INSRR: variants seen among roughly 807,000 people sequenced by gnomAD.
INSRR encodes insulin receptor related receptor.
In INSRR, 114 loss-of-function variants were observed where a neutral mutation model predicts 130.0. That is an observed-to-expected ratio of 0.88 (90% CI 0.75 to 1.02). The LOEUF is 1.02. INSRR is among the 50% of genes least tolerant of loss of function. The pLI is 0.00. For missense variants in INSRR, 1,657 were observed against 1,735.2 expected (o/e 0.95, Z 0.80); for synonymous variants, 674 against 705.2 (o/e 0.96, Z 0.70).
rs1655363579 is a variant in INSRR, at chr1:156,855,176, T to TTATCTATCTATATATC, written c.86-874_86-873insGATATATAGATAGATA. Among the ~76,000 whole-genome samples the TTATCTATCTATATATC allele has an allele frequency of 2.1e-5, 3 of 143,462 alleles. No individual in the cohort carries two copies. The South Asian group carries it at 7.1e-4, about 34-fold the overall frequency. The allele number at this position is 143,462 out of a possible 152,430, so 94.1% of individuals were successfully genotyped here. ...TGAGGCCTTCTCTGACCATCCAATT[T>TTATCTATCTATATATC]TATCTATCTATCTATCTATCTATCT... On this transcript the variant is annotated intron_variant, in intron 1 of 21. Transcript: ENST00000368195.
Position 156,845,315 on chromosome 1 carries a change from A to C in INSRR, c.2217-19T>G, listed in dbSNP as rs572969335. On this transcript the variant is annotated intron_variant, in intron 11 of 21. Transcript: ENST00000368195. ...TGAGTCCCTGGGGAGAGCGAGTCAG[A>C]GCCAAGGCCCAGCCCCCAAAGCCAC... The C allele has an allele frequency of 4.6e-5, 74 of 1,611,328 alleles. No individual in the cohort carries two copies. The highest frequency in any genetic ancestry group is 6.6e-5 in the South Asian group (6 of 90,924).
At chr1:156,847,083 A>G (rs999595607) in intron 7 of INSRR, among the ~76,000 whole-genome samples, 2 of 152,250 alleles carry the variant, frequency 1.3e-5, no homozygotes, top group African/African-American at 2.4e-5. Flanking sequence ...TCCTAGAAAC[A>G]GCAAGCAATA....
Position 156,841,137 on chromosome 1 carries a change from C to T in INSRR, c.3663-33G>A, listed in dbSNP as rs376379799. 48 of 1,490,672 alleles carry T rather than the reference C, an allele frequency of 3.2e-5. No individual in the cohort carries two copies. The African/African-American group carries it at 4.0e-4, about 13-fold the overall frequency. 92.3% of individuals were successfully genotyped at this position (1,490,672 alleles called of 1,614,324 possible). On this transcript the variant is annotated intron_variant, in intron 21 of 21. Transcript: ENST00000368195. Reference sequence around the variant, plus strand: ...GTGTGGGGAGCAGGGTCAGAGGCATCCGGGAGCCCCTGCCACGCTCTCAGC... The same window carrying T: ...GTGTGGGGAGCAGGGTCAGAGGCATTCGGGAGCCCCTGCCACGCTCTCAGC...
chr1:156,845,905 C>A, intron 9 of INSRR, 47 bp downstream of exon 9: 1 of 1,600,098 alleles, frequency 6.2e-7, no homozygotes, highest in East Asian at 2.3e-5. Context: ...CTCCATCTCC[C>A]CTTCCCCACC....
At chr1:156,857,687 G>A (rs1309427986) in intron 1 of INSRR, among the ~76,000 whole-genome samples, 1 of 152,186 alleles carries the variant, frequency 6.6e-6, no homozygotes, top group Non-Finnish European at 1.5e-5. Flanking sequence ...TCCATGGGAA[G>A]AGGAGACTCC....
rs1262273137 is a variant in INSRR at position 156,841,718 on chromosome 1, C to T, written c.3474G>A (p.Trp1158Ter). 3 of 1,614,146 alleles carry T rather than the reference C, an allele frequency of 1.9e-6. No homozygotes were observed. The highest frequency in any genetic ancestry group is 4.5e-5 in the East Asian group (2 of 44,872). Residue 1158 changes from tryptophan (W) to a stop codon, truncating the protein, a stop_gained, in exon 20 of 22, where the codon TGG becomes TGA. Coordinates refer to ENST00000368195, the MANE Select transcript of INSRR (RefSeq NM_014215.3). LOFTEE classifies it high-confidence loss of function. ...KGGKGLLPVRWMAPESLKDGI... is the reference protein window; with the variant it reads ...KGGKGLLPVR ...CATCTTTGAGGGACTCGGGGGCCATCCAGCGCACGGGCAGCAGCCCCTTCC... is the reference window on the plus strand; with the variant it reads ...CATCTTTGAGGGACTCGGGGGCCATTCAGCGCACGGGCAGCAGCCCCTTCC...
rs1180252546 is a variant in INSRR at position 156,854,260 on chromosome 1, A to T, written c.129T>A (p.Arg43=). 1 of 1,613,610 alleles carries T rather than the reference A, an allele frequency of 6.2e-7. No homozygotes were observed. Among genetic ancestry groups the T allele is most frequent in the South Asian group, 1.1e-5 (1 of 91,074 alleles). ...LDIRSEVAEL[R]QLENCSVVEG... ...CCACCACGCTGCAGTTCTCCAGCTG[A>T]CGAAGCTCTGCCACCTCTGAGCGAA... Residue 43 remains arginine, a synonymous_variant, in exon 2 of 22, where the codon CGT becomes CGA. Transcript: ENST00000368195. This position sits in a 1 kb window ranked among gnomAD's most constrained non-coding sequence, Gnocchi z 4.2.
Position 156,845,238 on chromosome 1 carries a change from C to T in INSRR, c.2275G>A (p.Asp759Asn). The T allele has an allele frequency of 6.2e-7, 1 of 1,610,646 alleles. No individual in the cohort carries two copies. Among genetic ancestry groups the T allele is most frequent in the Non-Finnish European group, 8.5e-7 (1 of 1,178,610 alleles). ...GPLRLGGNSS[D>N]FEIQEDKVPR... ...ACCTTGTCCTCCTGGATCTCGAAAT[C>T]CGAGCTGTTGCCCCCCAGCCGGAGG... Residue 759 changes from aspartate to asparagine, a missense_variant, in exon 12 of 22, where the codon GAT becomes AAT. Physicochemically the swap from Asp to Asn is conservative, Grantham distance 23. Coordinates refer to ENST00000368195, the MANE Select transcript of INSRR (RefSeq NM_014215.3).
chr1:156,858,238 G>A (rs750806436), intron 1 of INSRR, among the ~76,000 whole-genome samples: 1 of 152,146 alleles, frequency 6.6e-6, no homozygotes, highest in African/African-American at 2.4e-5. Flanking sequence ...ACACTCTCAC[G>A]GCCTCATTTG....
At chr1:156,849,513 G>GGGGGGGGGGGGGGGGGGGC in intron 5 of INSRR, 53 bp from the exon 6 acceptor site, 40 of 486,072 alleles carry the variant, frequency 8.2e-5, no homozygotes, top group East Asian at 4.3e-4. Flanking sequence ...CAGGGGGTGG[G>GGGGGGGGGGGGGGGGGGGC]AAAGGGGATG....
chr1:156,851,369 T>A lies in INSRR; in HGVS notation c.1150A>T (p.Ile384Phe). 1 of 1,614,078 alleles carries A rather than the reference T, an allele frequency of 6.2e-7. No individual in the cohort carries two copies. The highest frequency in any genetic ancestry group is 1.1e-5 in the South Asian group (1 of 91,070). The change falls in exon 5 of 22, where the codon ATC (isoleucine) becomes TTC (phenylalanine). Residue 384 changes from isoleucine (I) to phenylalanine (F), a missense_variant. Transcript: ENST00000368195. ...GACACGAGGGCAAAGGAGTGCTTGA[T>A]TTTGAGGAAGCCAGTAATGGTTTCT... Reference protein sequence around the residue: ...LVETITGFLKIKHSFALVSLG... With the variant: ...LVETITGFLKFKHSFALVSLG...
chr1:156,844,055 A>C, intron 15 of INSRR, 120 bp downstream of exon 15: 16 of 700,124 alleles, frequency 2.3e-5, no homozygotes, highest in Non-Finnish European at 3.2e-5. Flanking sequence ...CCGCAGGGGA[A>C]GAGTTACTGC....
At chr1:156,852,963 A>G (rs1031297632) in intron 2 of INSRR, among the ~76,000 whole-genome samples, 1 of 151,938 alleles carries the variant, frequency 6.6e-6, no homozygotes, top group East Asian at 2.0e-4. Context: ...GGAAAAGACC[A>G]CCAGGTTGGG....
chr1:156,856,068 C>T (rs1040395621), intron 1 of INSRR, among the ~76,000 whole-genome samples: 2 of 151,982 alleles, frequency 1.3e-5, no homozygotes, highest in African/African-American at 4.8e-5. Flanking sequence ...CTCGGCCTCC[C>T]AAAGTGATGG....
chr1:156,848,790 G>T, intron 7 of INSRR, 131 bp downstream of exon 7: 1 of 1,111,272 alleles, frequency 9.0e-7, no homozygotes, highest in Non-Finnish European at 1.3e-6. Context: ...CTACCACGGA[G>T]TACAACTTGC....
chr1:156,848,882 C>G (rs974931348), intron 7 of INSRR, 39 bp downstream of exon 7: 3 of 1,543,488 alleles, frequency 1.9e-6, no homozygotes, highest in Non-Finnish European at 2.6e-6. Context: ...TGGCCTCGTC[C>G]GGTCCCGCCC....
Position 156,858,748 on chromosome 1 carries a change from G to C in INSRR, c.-127C>G, listed in dbSNP as rs530257290. 1.3e-6 allele frequency: 1 copy of C among 747,826 alleles called. No individual in the cohort carries two copies. Among genetic ancestry groups the C allele is most frequent in the South Asian group, 1.5e-5 (1 of 67,556 alleles). 46.3% of individuals were successfully genotyped at this position (747,826 alleles called of 1,614,324 possible). A position where few individuals can be genotyped will look rare whatever the true frequency, so the allele number is the denominator to read the frequency against. On this transcript the variant is annotated 5_prime_UTR_variant, in exon 1 of 22. Coordinates refer to ENST00000368195, the MANE Select transcript of INSRR (RefSeq NM_014215.3). ...AGGAGAGGGAGGGCAGGGGCAGAGA[G>C]ACAAGGAATCCCACACAGAGACAGC... is the stretch of plus-strand genomic sequence containing the variant.
intron 2 of INSRR, 64 bp from the exon 3 acceptor site, chr1:156,852,255 G>T: frequency 6.8e-7 from 1 of 1,468,998 alleles, no homozygotes; most frequent in Non-Finnish European, 9.2e-7. Flanking sequence ...TCCTTCCAAT[G>T]CTGGCCCCAC....
rs781279978 is a variant in INSRR at position 156,845,227 on chromosome 1, G to C, written c.2286C>G (p.Ile762Met). ...RLGGNSSDFEIQEDKVPRERA... is the reference protein window; with the variant it reads ...RLGGNSSDFEMQEDKVPRERA... ...GCTCACGGGGCACCTTGTCCTCCTGGATCTCGAAATCCGAGCTGTTGCCCC... is the reference window on the plus strand; with the variant it reads ...GCTCACGGGGCACCTTGTCCTCCTGCATCTCGAAATCCGAGCTGTTGCCCC... The change falls in exon 12 of 22, where the codon ATC becomes ATG. Residue 762 changes from isoleucine (I) to methionine (M), a missense_variant. Physicochemically the swap from Ile to Met is conservative, Grantham distance 10 (BLOSUM62 1). Coordinates refer to ENST00000368195, the MANE Select transcript of INSRR (RefSeq NM_014215.3). 1.2e-6 allele frequency: 2 copies of C among 1,610,042 alleles called. No individual in the cohort carries two copies. Among genetic ancestry groups the C allele is most frequent in the African/African-American group, 2.7e-5 (2 of 75,006 alleles).
Sources: allele counts gnomAD v4.1 joint callset (sites outside exome capture counted in the v4.1 genomes callset), GRCh38; gene constraint gnomAD v4.1.1; non-coding constraint Gnocchi (gnomAD v3.1); transcripts MANE v1.5; gene names NCBI Gene and HGNC (gene_info 2026-07-23, HGNC 2026-07-21).